KMT2C: variants seen among roughly 807,000 people sequenced by gnomAD.
KMT2C encodes the protein lysine methyltransferase 2C, also known as histone-lysine N-methyltransferase 2C.
KMT2C carries 88 observed loss-of-function variants against 507.9 expected under a neutral mutation model. That is an observed-to-expected ratio of 0.17 (90% CI 0.15 to 0.21). The LOEUF is 0.21. Ranked by LOEUF, KMT2C falls within the 10% of genes least tolerant of loss-of-function variation. The probability of loss-of-function intolerance (pLI) is 1.00; values close to 1 mark genes in which losing one functional copy is unlikely to be tolerated. For synonymous variants in KMT2C, 2,049 were observed against 2,080.8 expected (o/e 0.98, Z 0.42); for missense variants, 4,954 against 5,957.8 (o/e 0.83, Z 5.55).
chr7:152,289,006 CAA>C (rs2096358356), intron 6 of KMT2C, among the ~76,000 whole-genome samples: 1 of 152,290 alleles, frequency 6.6e-6, no homozygotes, highest in Non-Finnish European at 1.5e-5. Flanking sequence ...AGTCATGAGA[CAA>C]AACTACACCA....
At chr7:152,286,275 A>T (rs2096295739) in intron 6 of KMT2C, among the ~76,000 whole-genome samples, 1 of 152,312 alleles carries the variant, frequency 6.6e-6, no homozygotes, top group Non-Finnish European at 1.5e-5. Flanking sequence ...GCTTTTCACA[A>T]ATTTGGTGAA....
intron 15 of KMT2C, among the ~76,000 whole-genome samples, chr7:152,237,138 T>C (rs1472073892): frequency 1.3e-5 from 2 of 152,194 alleles, no homozygotes; most frequent in African/African-American, 2.4e-5. Context: ...TATTTAAAAT[T>C]ATCCAGATGC....
At chr7:152,263,620 G>C (rs987322662) in intron 8 of KMT2C, among the ~76,000 whole-genome samples, 1 of 152,122 alleles carries the variant, frequency 6.6e-6, no homozygotes, top group Non-Finnish European at 1.5e-5. Context: ...TGAGTTCCAG[G>C]TATAAAATGG....
rs762790652 is a variant in KMT2C at position 152,148,413 on chromosome 7, A to G, written c.13514T>C (p.Met4505Thr). 4 of 1,614,148 alleles carry G rather than the reference A, an allele frequency of 2.5e-6. No individual in the cohort carries two copies. The East Asian group carries it at 8.9e-5, about 36-fold the overall frequency. ...CTCATGAATTCCCTTTGGTTTGTGC[A>G]TGGGGCAAAGCATAGTTTTGTCCTT... ...FFKDKTMLCP[M>T]HKPKGIHEQE... Residue 4505 changes from methionine (M) to threonine (T), a missense_variant, in exon 52 of 59, where the codon ATG (methionine) becomes ACG (threonine). Met to Thr is a moderately conservative substitution (Grantham distance 81). This residue lies in a region of KMT2C where 221 missense variants were observed against 304.7 expected (regional missense o/e 0.73). Coordinates refer to ENST00000262189, the MANE Select transcript of KMT2C (RefSeq NM_170606.3). This position sits in a 1 kb window ranked among gnomAD's most constrained non-coding sequence, Gnocchi z 7.1.
In KMT2C at chr7:152,315,023, A is replaced by G. The variant is rs1015564406; in HGVS notation, c.590+115T>C. On this transcript the variant is annotated intron_variant, in intron 4 of 58. Transcript: ENST00000262189. ...TCAGAGTATCCCATAAATGTGGAGA[A>G]CAGGAGAAACTGTTCAACAAGAACA... is the stretch of plus-strand genomic sequence containing the variant. The G allele has an allele frequency of 8.5e-6, 7 of 828,234 alleles. No homozygotes were observed. The East Asian group carries it at 1.8e-4, about 22-fold the overall frequency. 51.3% of individuals were successfully genotyped at this position (828,234 alleles called of 1,614,324 possible).
intron 7 of KMT2C, among the ~76,000 whole-genome samples, chr7:152,266,149 G>T (rs1287718755): frequency 6.6e-6 from 1 of 151,778 alleles, no homozygotes; most frequent in Non-Finnish European, 1.5e-5. Flanking sequence ...TGACTCATAC[G>T]TTCTTTCTTT....
At chr7:152,277,237 A>G (rs2096097806) in intron 6 of KMT2C, among the ~76,000 whole-genome samples, 1 of 152,166 alleles carries the variant, frequency 6.6e-6, no homozygotes, top group African/African-American at 2.4e-5. Context: ...CCATGCTCCA[A>G]ATTTGTTTTT....
At chr7:152,254,944 G>C (rs2095620605) in intron 9 of KMT2C, among the ~76,000 whole-genome samples, 2 of 151,274 alleles carry the variant, frequency 1.3e-5, no homozygotes, top group Non-Finnish European at 2.9e-5. Context: ...ATTTATAACA[G>C]CAGAAAAATA....
At chr7:152,369,180 G>A (rs912417088) in intron 1 of KMT2C, among the ~76,000 whole-genome samples, 2 of 152,060 alleles carry the variant, frequency 1.3e-5, no homozygotes, top group Middle Eastern at 3.4e-3. Flanking sequence ...AAAGTTGGCC[G>A]GGCATGGTGG....
At chr7:152,218,531 G>C (rs552251292) in intron 23 of KMT2C, among the ~76,000 whole-genome samples, 1 of 152,016 alleles carries the variant, frequency 6.6e-6, no homozygotes, top group South Asian at 2.1e-4. Context: ...GTTTCTCACT[G>C]ATCTACCTGT....
chr7:152,238,307 T>A (rs1165322078), intron 15 of KMT2C, among the ~76,000 whole-genome samples: 4 of 152,240 alleles, frequency 2.6e-5, no homozygotes, highest in African/African-American at 9.6e-5. Flanking sequence ...TTTAAGGTAT[T>A]AACCAGACAA....
chr7:152,392,448 T>G (rs1483639076), intron 1 of KMT2C, among the ~76,000 whole-genome samples: 7 of 152,176 alleles, frequency 4.6e-5, no homozygotes, highest in African/African-American at 1.7e-4. Context: ...CATTTATAAC[T>G]CACCTAGTTA....
Position 152,330,758 on chromosome 7 carries a change from G to A in KMT2C, c.251-19C>T. On this transcript the variant is annotated intron_variant, in intron 2 of 58. Coordinates refer to ENST00000262189, the MANE Select transcript of KMT2C (RefSeq NM_170606.3). The stretch of plus-strand genomic sequence containing the variant: ...TTGATTTCTGCTTAACAGTAAACAA[G>A]AGAAAACAAAGAGTCATTTTTGTGT... 2 of 1,610,774 alleles carry A rather than the reference G, an allele frequency of 1.2e-6. No homozygotes were observed. The highest frequency in any genetic ancestry group is 1.1e-5 in the South Asian group (1 of 91,036).
chr7:152,349,893 T>C (rs1437603449), intron 2 of KMT2C, among the ~76,000 whole-genome samples: 1 of 152,004 alleles, frequency 6.6e-6, no homozygotes, highest in African/African-American at 2.4e-5. Flanking sequence ...GGGAAGGGGA[T>C]TTATGGGAGA....
At chr7:152,281,558 C>G (rs1411818397) in intron 6 of KMT2C, among the ~76,000 whole-genome samples, 8 of 152,046 alleles carry the variant, frequency 5.3e-5, no homozygotes, top group African/African-American at 1.9e-4. Context: ...ATGGTGAGAC[C>G]CCGTTTCTAT....
chr7:152,142,460 TG>T (rs2090675849), intron 55 of KMT2C, among the ~76,000 whole-genome samples: 4 of 152,114 alleles, frequency 2.6e-5, no homozygotes, highest in Admixed American at 2.6e-4. Context: ...CAGCTACAAA[TG>T]GGAAACAAGA....
intron 6 of KMT2C, among the ~76,000 whole-genome samples, chr7:152,307,195 G>GAGGGAGGGAGGAAGGA (rs1449535751): frequency 6.6e-4 from 43 of 64,944 alleles, no homozygotes; most frequent in Non-Finnish European, 9.9e-4. Flanking sequence ...AAAGAAGAGG[G>GAGGGAGGGAGGAAGGA]AGGAAGGAAG....
At chr7:152,234,160 G>A (rs993101291) in intron 16 of KMT2C, among the ~76,000 whole-genome samples, 21 of 150,576 alleles carry the variant, frequency 1.4e-4, no homozygotes, top group African/African-American at 5.1e-4. Flanking sequence ...GGCCGAGGCA[G>A]GTGGATCAGG....
At chr7:152,286,517 A>T (rs1227270068) in intron 6 of KMT2C, among the ~76,000 whole-genome samples, 1 of 152,312 alleles carries the variant, frequency 6.6e-6, no homozygotes, top group Non-Finnish European at 1.5e-5. Context: ...ACAATGCAAC[A>T]TCTTTTAAAT....
Sources: gnomAD v4.1 joint callset for allele counts (sites outside exome capture counted in the v4.1 genomes callset) on GRCh38, gnomAD v4.1.1 for gene constraint, gnomAD v4.1.1 regional missense constraint, Gnocchi (gnomAD v3.1) non-coding constraint, MANE v1.5 for transcripts, NCBI Gene and HGNC (gene_info 2026-07-23, HGNC 2026-07-21) for gene names.